RORA: variants seen among roughly 807,000 people sequenced by gnomAD.
RORA encodes the protein nuclear receptor ROR-alpha.
Under a neutral mutation model 69.5 loss-of-function variants are expected in RORA, and 7 were observed. That is an observed-to-expected ratio of 0.10 (90% CI 0.06 to 0.19). The LOEUF (loss-of-function observed/expected upper bound fraction) is 0.19. Ranked by LOEUF, RORA falls within the 10% of genes least tolerant of loss-of-function variation. The pLI is 1.00. For missense variants in RORA, 457 were observed against 663.0 expected, an observed-to-expected ratio of 0.69 and a Z score of 3.41; for synonymous variants, 261 against 240.8, an observed-to-expected ratio of 1.08 and a Z score of -0.78.
intron 2 of RORA, among the ~76,000 whole-genome samples, chr15:60,654,062 T>C (rs1039210848): frequency 1.1e-4 from 17 of 152,180 alleles, no homozygotes; most frequent in Non-Finnish European, 2.5e-4. Flanking sequence ...CCTCTTTAGA[T>C]AGCTGGGATT....
intron 1 of RORA, among the ~76,000 whole-genome samples, chr15:60,903,559 C>G (rs774113011): frequency 6.6e-6 from 1 of 152,212 alleles, no homozygotes; most frequent in Non-Finnish European, 1.5e-5. Flanking sequence ...ATGTTCAAGG[C>G]TCTGCTTTAT....
At chr15:60,541,454 A>G (rs538702647) in intron 2 of RORA, among the ~76,000 whole-genome samples, 3 of 152,234 alleles carry the variant, frequency 2.0e-5, no homozygotes, top group Non-Finnish European at 4.4e-5. Flanking sequence ...GATTAAAGAA[A>G]CATTTCCATT....
At chr15:61,113,220 GT>G (rs1412423883) in intron 1 of RORA, among the ~76,000 whole-genome samples, 1 of 152,212 alleles carries the variant, frequency 6.6e-6, no homozygotes, top group African/African-American at 2.4e-5. Flanking sequence ...GCTCTTTCTA[GT>G]TAGTACAGAA....
At chr15:61,024,806 G>A (rs912620255) in intron 1 of RORA, among the ~76,000 whole-genome samples, 2 of 151,708 alleles carry the variant, frequency 1.3e-5, no homozygotes, top group African/African-American at 4.8e-5. Context: ...TGCCCAGGCT[G>A]GTCCTGAGCT....
chr15:61,009,118 G>A (rs1292995768), intron 1 of RORA, among the ~76,000 whole-genome samples: 1 of 152,200 alleles, frequency 6.6e-6, no homozygotes, highest in African/African-American at 2.4e-5. Flanking sequence ...TATGCCATTA[G>A]TGATTCATCA....
intron 1 of RORA, among the ~76,000 whole-genome samples, chr15:60,997,232 T>C (rs1894580216): frequency 6.6e-6 from 1 of 152,138 alleles, no homozygotes; most frequent in Non-Finnish European, 1.5e-5. Context: ...GTAAGAATGT[T>C]TGTGTGATTT....
chr15:60,557,858 T>C (rs997691818), intron 2 of RORA, among the ~76,000 whole-genome samples: 1 of 152,212 alleles, frequency 6.6e-6, no homozygotes, highest in South Asian at 2.1e-4. Flanking sequence ...AGTAAACACA[T>C]GAAAACAAAG....
At chr15:60,743,245 CCT>C (rs2071601426) in intron 1 of RORA, among the ~76,000 whole-genome samples, 1 of 151,976 alleles carries the variant, frequency 6.6e-6, no homozygotes, top group African/African-American at 2.4e-5. Context: ...GAACTCCTTA[CCT>C]CAAGTGATCC....
At chr15:60,894,679 T>C (rs1031004360) in intron 1 of RORA, among the ~76,000 whole-genome samples, 1 of 152,202 alleles carries the variant, frequency 6.6e-6, no homozygotes, top group Non-Finnish European at 1.5e-5. Flanking sequence ...GACTTTCGGA[T>C]TCTGCAGGTC....
chr15:61,115,551 GA>G (rs1224742882), intron 1 of RORA, among the ~76,000 whole-genome samples: 1 of 152,220 alleles, frequency 6.6e-6, no homozygotes, highest in Non-Finnish European at 1.5e-5. Context: ...TTATTAGAGA[GA>G]GATGGCATTG....
chr15:60,741,280 A>C lies in RORA; in HGVS notation c.167-62594T>G, dbSNP rs555937439. Among the ~76,000 whole-genome samples the C allele has an allele frequency of 2.6e-5, 4 of 152,232 alleles. No individual in the cohort carries two copies. In the South Asian group the frequency reaches 8.3e-4, roughly 32 times the overall value. ...GGAACAGTGGCTCTTGCTTAATATG[A>C]CCTTCAGGCTTTCTTTACCTTGCAG... On this transcript the variant is annotated intron_variant, in intron 1 of 10. Coordinates refer to ENST00000335670, the MANE Select transcript of RORA (RefSeq NM_134261.3).
intron 1 of RORA, among the ~76,000 whole-genome samples, chr15:61,224,624 A>C (rs1159697292): frequency 2.0e-5 from 3 of 152,202 alleles, no homozygotes; most frequent in Admixed American, 2.0e-4. Context: ...CTTAATTCAG[A>C]AGTGACATGT....
intron 1 of RORA, among the ~76,000 whole-genome samples, chr15:60,871,536 G>C (rs2073556169): frequency 6.6e-6 from 1 of 152,224 alleles, no homozygotes; most frequent in South Asian, 2.1e-4. Context: ...CACCAACTCA[G>C]ATTTTGACTC....
intron 1 of RORA, among the ~76,000 whole-genome samples, chr15:60,725,875 T>C (rs1478714683): frequency 1.3e-5 from 2 of 152,182 alleles, no homozygotes; most frequent in Admixed American, 6.5e-5. Flanking sequence ...GGAGGCCATA[T>C]AGAGCAGTCT....
intron 2 of RORA, chr15:60,556,941 C>T (rs756544343): frequency 2.0e-5 from 32 of 1,603,510 alleles, no homozygotes; most frequent in Non-Finnish European, 2.6e-5. Flanking sequence ...TGTTTGTCCA[C>T]CCCAATCCAA....
intron 2 of RORA, among the ~76,000 whole-genome samples, chr15:60,656,179 G>A (rs955229846): frequency 2.4e-4 from 37 of 152,178 alleles, no homozygotes; most frequent in African/African-American, 8.7e-4. Context: ...GGGAGACCAC[G>A]CAGTCCTGCT....
chr15:61,023,461 GA>G (rs1895646879), intron 1 of RORA, among the ~76,000 whole-genome samples: 1 of 152,120 alleles, frequency 6.6e-6, no homozygotes, highest in Non-Finnish European at 1.5e-5. Context: ...TGGTATGGGG[GA>G]AACCACCCCC....
At chr15:60,997,651 A>C (rs921832096) in intron 1 of RORA, among the ~76,000 whole-genome samples, 1 of 152,232 alleles carries the variant, frequency 6.6e-6, no homozygotes, top group Non-Finnish European at 1.5e-5. Flanking sequence ...GCACCCATGT[A>C]TATCTTCCAC....
At chr15:60,980,034 T>C (rs375933807) in intron 1 of RORA, among the ~76,000 whole-genome samples, 1 of 152,190 alleles carries the variant, frequency 6.6e-6, no homozygotes, top group African/African-American at 2.4e-5. Context: ...TGCCTTTTAT[T>C]AGGTTTAGGA....
Sources: allele counts gnomAD v4.1 joint callset (sites outside exome capture counted in the v4.1 genomes callset), GRCh38; gene constraint gnomAD v4.1.1; transcripts MANE v1.5; gene names NCBI Gene and HGNC (gene_info 2026-07-23, HGNC 2026-07-21).